IQSEC3: variants seen among roughly 807,000 people sequenced by gnomAD.
The protein encoded by IQSEC3 is IQ motif and SEC7 domain-containing protein 3.
IQSEC3 carries 50 observed loss-of-function variants against 105.4 expected under a neutral mutation model. The ratio of observed to expected loss-of-function variants is 0.47; its 90% CI spans 0.38 to 0.60. IQSEC3 has a LOEUF of 0.60. Among genes scored for constraint, IQSEC3 ranks in the 20% least tolerant of loss-of-function variants. IQSEC3 has a pLI of 0.00. For missense variants in IQSEC3, 1,415 were observed against 1,630.0 expected (o/e 0.87, Z 2.27); for synonymous variants, 708 against 746.0 (o/e 0.95, Z 0.83).
chr12:100,921 G>A (rs1864403246), intron 2 of IQSEC3, among the ~76,000 whole-genome samples: 1 of 152,236 alleles, frequency 6.6e-6, no homozygotes. Flanking sequence ...CTCCCCATAA[G>A]CCCTCACTGT....
In IQSEC3 at chr12:141,311, C is replaced by T. The variant is rs781800535; in HGVS notation, c.2153+26C>T. The T allele has an allele frequency of 1.3e-4, 207 of 1,599,364 alleles. 2 individuals are homozygous for T. The Middle Eastern group carries it at 4.7e-3, about 36-fold the overall frequency. The stretch of plus-strand genomic sequence containing the variant: ...GTGAGTACCCCACACTCCGGGCTTT[C>T]CCCACTCCTTCCCACACCCCACCTG... On this transcript the variant is annotated intron_variant, in intron 5 of 13. Transcript: ENST00000538872.
intron 1 of IQSEC3, among the ~76,000 whole-genome samples, chr12:84,443 G>A (rs1555071516): frequency 6.6e-6 from 1 of 152,232 alleles, no homozygotes. Flanking sequence ...TGTGTGCACG[G>A]GCAGGGTTGT....
chr12:127,856 T>G (rs1378530104), intron 3 of IQSEC3, among the ~76,000 whole-genome samples: 8 of 152,224 alleles, frequency 5.3e-5, no homozygotes, highest in Admixed American at 2.0e-4. Context: ...TAGTTTCTTT[T>G]GCTGTGCAGG....
At chr12:131,215 C>T (rs367717509) in intron 3 of IQSEC3, among the ~76,000 whole-genome samples, 13 of 152,332 alleles carry the variant, frequency 8.5e-5, no homozygotes, top group African/African-American at 2.4e-4. Context: ...GCGCCCCTGC[C>T]GCTGCTTCTT....
chr12:173,435 A>G (rs991108686), intron 13 of IQSEC3, among the ~76,000 whole-genome samples: 1 of 152,128 alleles, frequency 6.6e-6, no homozygotes, highest in African/African-American at 2.4e-5. Flanking sequence ...GTGTCCCTGA[A>G]CTGCACCTGC....
At chr12:158,439 T>C (rs1045983634) in intron 7 of IQSEC3, among the ~76,000 whole-genome samples, 1 of 152,188 alleles carries the variant, frequency 6.6e-6, no homozygotes, top group Non-Finnish European at 1.5e-5. Flanking sequence ...AGCCTGAAGT[T>C]TGATGAATGT....
chr12:122,668 G>T (rs1352744511), intron 2 of IQSEC3, among the ~76,000 whole-genome samples: 35 of 152,276 alleles, frequency 2.3e-4, no homozygotes, highest in African/African-American at 3.9e-4. Context: ...TTAGGGAGAT[G>T]GTATAGGGTG....
In IQSEC3 at chr12:125,995, C is replaced by CGCTGG. The variant is rs1430375378; in HGVS notation, c.903+85_903+89dup. 3 of 1,342,124 alleles carry CGCTGG rather than the reference C, an allele frequency of 2.2e-6. No individual in the cohort carries two copies. The Admixed American group carries it at 7.0e-5, about 31-fold the overall frequency. 83.1% of individuals were successfully genotyped at this position (1,342,124 alleles called of 1,614,324 possible). ...CTGTCGAGGGTACCAGGGATATCCC[C>CGCTGG]GCTGGGTCCCCTCCGCTACAGGCAC... On this transcript the variant is annotated intron_variant, in intron 3 of 13. Transcript: ENST00000538872.
In IQSEC3 at chr12:138,405, C is replaced by A. The variant is rs375324399; in HGVS notation, c.1042C>A (p.Pro348Thr). 3 of 1,609,834 alleles carry A rather than the reference C, an allele frequency of 1.9e-6. No individual in the cohort carries two copies. The highest frequency in any genetic ancestry group is 2.5e-6 in the Non-Finnish European group (3 of 1,179,840). ...IRNSLLESRL[P>T]RRISLRKVRS... ...CAACTCGCTTCTGGAGAGCCGCCTG[C>A]CACGGCGGATCTCCCTGCGCAAGGT... is the stretch of plus-strand genomic sequence containing the variant. Residue 348 changes from proline to threonine, a missense_variant, in exon 4 of 14, where the codon CCA (proline) becomes ACA (threonine). Pro to Thr is a conservative substitution (Grantham distance 38, BLOSUM62 -1). Transcript: ENST00000538872. The surrounding 1 kb of genome is among the most constrained non-coding windows in gnomAD (Gnocchi z 7.1).
In IQSEC3 at chr12:157,618, C is replaced by G. The variant is rs782470717; in HGVS notation, c.2367C>G (p.Leu789=). 1 of 1,614,240 alleles carries G rather than the reference C, an allele frequency of 6.2e-7. No homozygotes were observed. ...IFILAFAIIL[L]NTDMYSPNIK... ...TCCTCGCCTTCGCCATCATCCTCCT[C>G]AACACCGACATGTACAGCCCCAACA... The change falls in exon 7 of 14, where the codon CTC becomes CTG. Residue 789 remains leucine, a synonymous_variant. Coordinates refer to ENST00000538872, the MANE Select transcript of IQSEC3 (RefSeq NM_001170738.2).
intron 4 of IQSEC3, chr12:140,850 G>T: frequency 2.4e-6 from 1 of 417,254 alleles, no homozygotes; most frequent in African/African-American, 2.0e-5. Flanking sequence ...GCAGGACTGG[G>T]GTAAGACCCA....
intron 11 of IQSEC3, among the ~76,000 whole-genome samples, chr12:167,950 G>A (rs1438619518): frequency 1.3e-5 from 2 of 152,252 alleles, no homozygotes; most frequent in African/African-American, 4.8e-5. Context: ...TCTGTGGGGA[G>A]AGAAACAACT....
intron 2 of IQSEC3, among the ~76,000 whole-genome samples, chr12:103,663 T>C (rs1864519155): frequency 2.4e-5 from 1 of 41,266 alleles, no homozygotes; most frequent in Non-Finnish European, 4.1e-5. Context: ...GAGGTGGAGT[T>C]CGGTGGGGAG....
chr12:102,437 C>T (rs1200270719), intron 2 of IQSEC3, among the ~76,000 whole-genome samples: 2 of 152,248 alleles, frequency 1.3e-5, no homozygotes, highest in African/African-American at 4.8e-5. Flanking sequence ...CCGGCCCCCA[C>T]TCCAGCTCCG....
Position 161,975 on chromosome 12 carries a change from T to A in IQSEC3, c.2493T>A (p.Tyr831Ter). The A allele has an allele frequency of 6.2e-7, 1 of 1,613,414 alleles. No individual in the cohort carries two copies. The highest frequency in any genetic ancestry group is 8.5e-7 in the Non-Finnish European group (1 of 1,179,826). Residue 831 changes from tyrosine to a stop codon, truncating the protein, a stop_gained, in exon 8 of 14, where the codon TAT (tyrosine) becomes TAA (stop). Transcript: ENST00000538872. LOFTEE classifies it high-confidence loss of function. ...CCAGGGAGCTGGTGGTAGGCATCTA[T>A]GAGAGGATACAGCAGAAGGAGCTCA... ...DIPRELVVGI[Y>*]ERIQQKELKS...
intron 1 of IQSEC3, among the ~76,000 whole-genome samples, chr12:97,346 C>A (rs1386200419): frequency 2.0e-5 from 3 of 152,042 alleles, no homozygotes; most frequent in Non-Finnish European, 4.4e-5. Flanking sequence ...AGATTTTTTT[C>A]TTCACTTTAT....
chr12:123,501 T>G (rs1446713454), intron 2 of IQSEC3, among the ~76,000 whole-genome samples: 2 of 152,222 alleles, frequency 1.3e-5, no homozygotes, highest in Non-Finnish European at 2.9e-5. Context: ...GCAGCTTGAT[T>G]GGTGGCCACA....
At chr12:93,937 A>G (rs782785230) in intron 1 of IQSEC3, among the ~76,000 whole-genome samples, 1 of 152,076 alleles carries the variant, frequency 6.6e-6, no homozygotes, top group Non-Finnish European at 1.5e-5. Flanking sequence ...CCCTTCCACT[A>G]TGAATGGAAG....
chr12:142,511 A>T (rs562927794), intron 5 of IQSEC3: 2 of 152,224 alleles, frequency 1.3e-5, no homozygotes, highest in Non-Finnish European at 2.9e-5. Context: ...GGGTTCGCAC[A>T]GGTACCTTGA....
Sources: allele counts gnomAD v4.1 joint callset (sites outside exome capture counted in the v4.1 genomes callset), GRCh38; gene constraint gnomAD v4.1.1; non-coding constraint Gnocchi (gnomAD v3.1); transcripts MANE v1.5; gene names NCBI Gene and HGNC (gene_info 2026-07-23, HGNC 2026-07-21).